FIP1L1: variants seen among roughly 807,000 people sequenced by gnomAD.
The protein encoded by FIP1L1 is pre-mRNA 3'-end-processing factor FIP1.
A neutral mutation model predicts 84.6 loss-of-function variants in FIP1L1; 21 were observed. That is an observed-to-expected ratio of 0.25 (90% CI 0.18 to 0.36). The LOEUF (loss-of-function observed/expected upper bound fraction) is 0.36. Among genes scored for constraint, FIP1L1 ranks in the 10% least tolerant of loss-of-function variants. FIP1L1 has a pLI of 1.00. For missense variants in FIP1L1, 526 were observed against 751.1 expected (o/e 0.70, Z 3.50); for synonymous variants, 263 against 242.3 (o/e 1.09, Z -0.80).
At chr4:53,441,709 G>A (rs555336938) in intron 13 of FIP1L1, among the ~76,000 whole-genome samples, 5 of 151,892 alleles carry the variant, frequency 3.3e-5, no homozygotes, top group Non-Finnish European at 5.9e-5. Context: ...TTACTAAAAC[G>A]GAGGCTTAGT....
intron 13 of FIP1L1, among the ~76,000 whole-genome samples, chr4:53,431,628 GTTTTCA>G (rs1766723823): frequency 3.1e-3 from 1 of 318 alleles, no homozygotes; most frequent in Non-Finnish European, 0.045. Flanking sequence ...GTTTTGTTTT[GTTTTCA>G]AATAAATAGG....
intron 11 of FIP1L1, among the ~76,000 whole-genome samples, chr4:53,417,344 G>C (rs1475787581): frequency 2.6e-5 from 4 of 152,064 alleles, no homozygotes; most frequent in Non-Finnish European, 4.4e-5. Flanking sequence ...TTGTGCTTTA[G>C]AAAATTCCAA....
intron 11 of FIP1L1, among the ~76,000 whole-genome samples, chr4:53,415,063 C>T (rs567371222): frequency 2.6e-5 from 4 of 151,964 alleles, no homozygotes; most frequent in East Asian, 3.9e-4. Context: ...CACTACTTAT[C>T]GAATAAAACC....
chr4:53,391,221 A>T (rs1332647115), intron 8 of FIP1L1, 82 bp downstream of exon 8: 1 of 1,457,028 alleles, frequency 6.9e-7, no homozygotes, highest in Non-Finnish European at 9.3e-7. Flanking sequence ...TCCCTATAAA[A>T]GTGGTTAAAT....
chr4:53,426,763 C>T (rs1448336552), intron 12 of FIP1L1, among the ~76,000 whole-genome samples: 3 of 152,092 alleles, frequency 2.0e-5, no homozygotes, highest in East Asian at 1.9e-4. Context: ...ATGATAGCTT[C>T]ATTGGATAAA....
chr4:53,415,340 A>G (rs1759011994), intron 11 of FIP1L1, among the ~76,000 whole-genome samples: 1 of 152,194 alleles, frequency 6.6e-6, no homozygotes, highest in Non-Finnish European at 1.5e-5. Flanking sequence ...AATTGAAATA[A>G]TAACTTCATC....
rs538027803 is a variant in FIP1L1, at chr4:53,381,604, G to C, written c.171-674G>C. The stretch of plus-strand genomic sequence containing the variant: ...TCATTTTGCTTTATTTGGTGATTGT[G>C]CTATAAAATGCCACTGTAAAGATCA... On this transcript the variant is annotated intron_variant, in intron 3 of 17. Transcript: ENST00000337488. Among the ~76,000 whole-genome samples, 13 of 152,088 alleles carry C rather than the reference G, an allele frequency of 8.5e-5. No homozygotes were observed. The South Asian group carries it at 2.7e-3, about 32-fold the overall frequency.
chr4:53,445,742 G>C (rs1346965829), intron 15 of FIP1L1, among the ~76,000 whole-genome samples: 1 of 152,132 alleles, frequency 6.6e-6, no homozygotes. Context: ...TGTCCTTTCT[G>C]GTAGAGAGAG....
chr4:53,397,952 G>C (rs1354733397), intron 9 of FIP1L1, among the ~76,000 whole-genome samples: 1 of 152,142 alleles, frequency 6.6e-6, no homozygotes, highest in African/African-American at 2.4e-5. Context: ...AATTACTGGT[G>C]GTCAGGGGAG....
chr4:53,428,303 T>A, intron 13 of FIP1L1, 120 bp downstream of exon 13: 3 of 925,026 alleles, frequency 3.2e-6, no homozygotes, highest in Non-Finnish European at 4.6e-6. Flanking sequence ...AGATATAATA[T>A]CTTCAACAGA....
chr4:53,410,495 A>T (rs6554104), intron 10 of FIP1L1, among the ~76,000 whole-genome samples: 84,426 of 152,006 alleles, frequency 0.56, 25,309 homozygotes, highest in Non-Finnish European at 0.67. Flanking sequence ...TTCCTGGGCC[A>T]AATGTGTTGT....
At chr4:53,402,249 T>C (rs1472964754) in intron 10 of FIP1L1, among the ~76,000 whole-genome samples, 1 of 152,136 alleles carries the variant, frequency 6.6e-6, no homozygotes, top group Admixed American at 6.6e-5. Context: ...TAAAAGACTT[T>C]GGAATGGATT....
At position 53,377,822 on chromosome 4, in the gene FIP1L1, T is replaced by G. The variant is rs1287299574; in HGVS notation, c.-17T>G. ...GGGGCTGTTGATCGCCGCGTTTAAG[T>G]TGCGCTCGGGGCGGCCATGTCGGCC... On this transcript the variant is annotated 5_prime_UTR_variant, in exon 1 of 18. Coordinates refer to ENST00000337488, the MANE Select transcript of FIP1L1 (RefSeq NM_030917.4). 1 of 1,551,146 alleles carries G rather than the reference T, an allele frequency of 6.4e-7. No homozygotes were observed. Among genetic ancestry groups the G allele is most frequent in the Non-Finnish European group, 8.7e-7 (1 of 1,147,354 alleles).
intron 13 of FIP1L1, among the ~76,000 whole-genome samples, chr4:53,439,025 C>A (rs746200779): frequency 2.0e-5 from 3 of 151,882 alleles, no homozygotes; most frequent in Admixed American, 6.6e-5. Flanking sequence ...TATAAATCTA[C>A]GAAAATAATC....
At chr4:53,379,323 C>G in intron 3 of FIP1L1, 59 bp downstream of exon 3, 2 of 1,388,574 alleles carry the variant, frequency 1.4e-6, no homozygotes, top group Non-Finnish European at 2.0e-6. Flanking sequence ...ATGGTTCTGT[C>G]AGTTGTCAAA....
chr4:53,399,333 ATTG>A (rs1749059582), intron 9 of FIP1L1, among the ~76,000 whole-genome samples: 1 of 152,206 alleles, frequency 6.6e-6, no homozygotes, highest in Admixed American at 6.5e-5. Flanking sequence ...ATGGTCACCT[ATTG>A]TTTTCTTAGA....
intron 13 of FIP1L1, among the ~76,000 whole-genome samples, chr4:53,439,578 A>G (rs1254700187): frequency 6.6e-6 from 1 of 152,068 alleles, no homozygotes; most frequent in East Asian, 1.9e-4. Flanking sequence ...TAGCTAATAA[A>G]TTAGATTATT....
chr4:53,433,826 A>G (rs1767840106), intron 13 of FIP1L1, among the ~76,000 whole-genome samples: 1 of 152,186 alleles, frequency 6.6e-6, no homozygotes, highest in Non-Finnish European at 1.5e-5. Context: ...TTTCTTCCTA[A>G]AAGACTGTTG....
intron 13 of FIP1L1, chr4:53,441,045 C>T (rs1771669436): frequency 6.2e-6 from 1 of 160,260 alleles, no homozygotes; most frequent in African/African-American, 2.4e-5. Context: ...CTAAACCCCA[C>T]ATAGCAACTA....
Sources: gnomAD v4.1 joint callset for allele counts (sites outside exome capture counted in the v4.1 genomes callset) on GRCh38, gnomAD v4.1.1 for gene constraint, MANE v1.5 for transcripts, NCBI Gene and HGNC (gene_info 2026-07-23, HGNC 2026-07-21) for gene names.